The following SEMA6A variants were observed in gnomAD, a reference collection of about 807,000 sequenced individuals.
SEMA6A encodes the protein semaphorin-6A.
In SEMA6A, 25 loss-of-function variants were observed where a neutral mutation model predicts 96.8. The observed-to-expected ratio is 0.26, with a 90% confidence interval of 0.19 to 0.36. The LOEUF is 0.36. Ranked by LOEUF, SEMA6A falls within the 10% of genes least tolerant of loss-of-function variation. The pLI is 1.00. For missense variants in SEMA6A, 1,363 were observed against 1,323.1 expected (o/e 1.03, Z -0.47); for synonymous variants, 612 against 518.0 (o/e 1.18, Z -2.46).
chr5:116,483,626 G>T (rs1022743817), intron 10 of SEMA6A, among the ~76,000 whole-genome samples: 1 of 152,072 alleles, frequency 6.6e-6, no homozygotes, highest in Non-Finnish European at 1.5e-5. Flanking sequence ...GAAAATTATT[G>T]AATAATAATT....
Position 116,446,281 on chromosome 5 carries a change from TGTGTGG to T in SEMA6A, c.*326_*331del, listed in dbSNP as rs1489465888. 7.0e-5 allele frequency: 6 copies of T among 85,506 alleles called. No individual in the cohort carries two copies. Among genetic ancestry groups the T allele is most frequent in the Middle Eastern group, 3.7e-3 (1 of 268 alleles). The allele number at this position is 85,506 out of a possible 1,614,324, so 5.3% of individuals were successfully genotyped here. On this transcript the variant is annotated 3_prime_UTR_variant, in exon 19 of 19. Transcript: ENST00000343348. ...TTGTGTGCATGTGTGTGTGTGTGTG[TGTGTGG>T]GGGTGGGGGATGGGGTAGGTATGTG...
intron 1 of SEMA6A, among the ~76,000 whole-genome samples, chr5:116,532,549 C>T (rs914736505): frequency 3.2e-4 from 48 of 152,142 alleles, no homozygotes; most frequent in African/African-American, 1.0e-3. Flanking sequence ...GATCCCTCCC[C>T]CCCAGTCCTG....
rs1757929008 is a variant in SEMA6A, at chr5:116,502,408, G to A, written c.101-81C>T. ...CAGGGTAGGGAGGGGAGGGAGACAG[G>A]TCACAAAAGAAACCCGTGTTTAAGT... On this transcript the variant is annotated intron_variant, in intron 2 of 18. Transcript: ENST00000343348. 9.9e-6 allele frequency: 12 copies of A among 1,208,374 alleles called. No homozygotes were observed. In the South Asian group the frequency reaches 1.4e-4, roughly 14 times the overall value. 74.9% of individuals were successfully genotyped at this position (1,208,374 alleles called of 1,614,324 possible).
chr5:116,514,043 G>T (rs944423032), intron 1 of SEMA6A, among the ~76,000 whole-genome samples: 1 of 152,084 alleles, frequency 6.6e-6, no homozygotes, highest in Non-Finnish European at 1.5e-5. Context: ...GGGCATTTAG[G>T]TTGATTCCAT....
chr5:116,479,985 C>G, intron 12 of SEMA6A, 137 bp downstream of exon 12: 2 of 985,228 alleles, frequency 2.0e-6, no homozygotes, highest in South Asian at 3.2e-5. Context: ...AACCAATCGG[C>G]CACCATTTCA....
chr5:116,573,452 G>A (rs1580533757), intron 1 of SEMA6A, among the ~76,000 whole-genome samples: 1 of 152,168 alleles, frequency 6.6e-6, no homozygotes, highest in Non-Finnish European at 1.5e-5. Flanking sequence ...TGCGGCGGGG[G>A]ACAGGACCCA....
chr5:116,520,268 T>C (rs1251681459), intron 1 of SEMA6A, among the ~76,000 whole-genome samples: 1 of 151,918 alleles, frequency 6.6e-6, no homozygotes, highest in Non-Finnish European at 1.5e-5. Context: ...TTTTTTTTTT[T>C]TTTCATCACT....
At chr5:116,547,222 A>G (rs1390688421) in intron 1 of SEMA6A, among the ~76,000 whole-genome samples, 1 of 152,228 alleles carries the variant, frequency 6.6e-6, no homozygotes, top group Admixed American at 6.5e-5. Context: ...GGACATGCAT[A>G]CAAGTGTCCT....
At chr5:116,529,772 T>C (rs999661882) in intron 1 of SEMA6A, among the ~76,000 whole-genome samples, 22 of 152,092 alleles carry the variant, frequency 1.4e-4, no homozygotes, top group Non-Finnish European at 2.6e-4. Context: ...TTCTCACTTA[T>C]AAGCAGGAGC....
rs539968004 is a variant in SEMA6A, at chr5:116,574,199, G to A, written c.-53C>T. 1 of 152,432 alleles carries A rather than the reference G, an allele frequency of 6.6e-6. No homozygotes were observed. The highest frequency in any genetic ancestry group is 2.4e-5 in the African/African-American group (1 of 41,412). 9.4% of individuals were successfully genotyped at this position (152,432 alleles called of 1,614,324 possible). On this transcript the variant is annotated 5_prime_UTR_variant, in exon 1 of 19. Coordinates refer to ENST00000343348, the MANE Select transcript of SEMA6A (RefSeq NM_020796.5). ...CCGGGGCGTACCTTTTCGGTGCATCGACGGACAGGCGGCCGGGGCTCGGAG... is the reference window on the plus strand; with the variant it reads ...CCGGGGCGTACCTTTTCGGTGCATCAACGGACAGGCGGCCGGGGCTCGGAG...
chr5:116,491,060 C>T lies in SEMA6A; in HGVS notation c.535+680G>A, dbSNP rs561115254. Among the ~76,000 whole-genome samples, 5 of 152,258 alleles carry T rather than the reference C, an allele frequency of 3.3e-5. No homozygotes were observed. In the East Asian group the frequency reaches 9.6e-4, roughly 29 times the overall value. ...TAAGCAATTAGCACCCTCCCCTCACCCACCATAGTCTTTTGGTCAGAGATG... is the reference window on the plus strand; with the variant it reads ...TAAGCAATTAGCACCCTCCCCTCACTCACCATAGTCTTTTGGTCAGAGATG... On this transcript the variant is annotated intron_variant, in intron 7 of 18. Coordinates refer to ENST00000343348, the MANE Select transcript of SEMA6A (RefSeq NM_020796.5).
chr5:116,486,577 C>CA, intron 10 of SEMA6A, 172 bp downstream of exon 10: 1 of 601,296 alleles, frequency 1.7e-6, no homozygotes. Flanking sequence ...CTTAATAGTG[C>CA]TTATAAACTA....
intron 1 of SEMA6A, among the ~76,000 whole-genome samples, chr5:116,562,157 G>C (rs1425625512): frequency 6.6e-6 from 1 of 152,100 alleles, no homozygotes; most frequent in Non-Finnish European, 1.5e-5. Context: ...AATTATTTTA[G>C]ACAACCACTA....
At chr5:116,499,343 C>T (rs1432966835) in intron 3 of SEMA6A, among the ~76,000 whole-genome samples, 1 of 148,598 alleles carries the variant, frequency 6.7e-6, no homozygotes, top group African/African-American at 2.5e-5. Context: ...TGACTTAATC[C>T]TAGGACTTCC....
chr5:116,461,336 C>T (rs140544181), intron 18 of SEMA6A, among the ~76,000 whole-genome samples: 2 of 152,260 alleles, frequency 1.3e-5, no homozygotes, highest in East Asian at 3.9e-4. Context: ...ATTATTAGTA[C>T]TCCCCAAGAC....
intron 1 of SEMA6A, chr5:116,550,158 ATTACT>A (rs972278096): frequency 2.7e-4 from 41 of 152,192 alleles, no homozygotes; most frequent in African/African-American, 8.2e-4. Flanking sequence ...ATATCCATTG[ATTACT>A]TTAGGTCATT....
chr5:116,494,190 A>C (rs1156321532), intron 6 of SEMA6A, among the ~76,000 whole-genome samples: 3 of 152,192 alleles, frequency 2.0e-5, no homozygotes, highest in Admixed American at 2.0e-4. Flanking sequence ...GTCATTTCAC[A>C]GTCACACAAT....
intron 1 of SEMA6A, among the ~76,000 whole-genome samples, chr5:116,509,426 G>C (rs1462085128): frequency 1.3e-5 from 2 of 152,164 alleles, no homozygotes; most frequent in Non-Finnish European, 2.9e-5. Flanking sequence ...GTCATTAACA[G>C]AGGGAAGAGC....
chr5:116,528,812 A>T (rs1256410707), intron 1 of SEMA6A, among the ~76,000 whole-genome samples: 1 of 152,150 alleles, frequency 6.6e-6, no homozygotes, highest in Non-Finnish European at 1.5e-5. Flanking sequence ...TGGCTCTATA[A>T]TTATATCCAG....
Sources: gnomAD v4.1 joint callset for allele counts (sites outside exome capture counted in the v4.1 genomes callset) on GRCh38, gnomAD v4.1.1 for gene constraint, MANE v1.5 for transcripts, NCBI Gene and HGNC (gene_info 2026-07-23, HGNC 2026-07-21) for gene names.